The following MTRR variants were observed in gnomAD, a reference collection of about 807,000 sequenced individuals.
MTRR encodes 5-methyltetrahydrofolate-homocysteine methyltransferase reductase.
MTRR carries 63 observed loss-of-function variants against 79.2 expected under a neutral mutation model. The observed-to-expected ratio is 0.80, with a 90% CI of 0.65 to 0.98. The LOEUF (loss-of-function observed/expected upper bound fraction) is 0.98. Among genes scored for constraint, MTRR ranks in the 50% least tolerant of loss-of-function variants. The probability of loss-of-function intolerance (pLI) is 0.00; values close to 1 mark genes in which losing one functional copy is unlikely to be tolerated. For missense variants in MTRR, 895 were observed against 839.6 expected (o/e 1.07, Z -0.82); for synonymous variants, 355 against 313.3 (o/e 1.13, Z -1.41).
chr5:7,854,426 T>G (rs1746168281), intron 1 of MTRR, among the ~76,000 whole-genome samples: 2 of 152,116 alleles, frequency 1.3e-5, no homozygotes, highest in Non-Finnish European at 2.9e-5. Context: ...GTTCCCTGTA[T>G]TAGTTCGTTT....
intron 1 of MTRR, chr5:7,869,574 C>T: frequency 7.3e-6 from 2 of 273,644 alleles, no homozygotes; most frequent in Non-Finnish European, 1.4e-5. Context: ...TGGGGCGGCG[C>T]GCTCCGGGGA....
At chr5:7,884,357 C>A (rs925730982) in intron 6 of MTRR, among the ~76,000 whole-genome samples, 1 of 152,148 alleles carries the variant, frequency 6.6e-6, no homozygotes, top group Admixed American at 6.5e-5. Context: ...CCTCAAAGCT[C>A]AAGTCCCTTA....
chr5:7,890,098 T>C (rs140758981), intron 9 of MTRR, among the ~76,000 whole-genome samples: 76 of 152,306 alleles, frequency 5.0e-4, no homozygotes, highest in Admixed American at 2.4e-3. Context: ...TTTCCCATAG[T>C]GGTAAGTAGT....
Position 7,889,117 on chromosome 5 carries a change from A to G in MTRR, c.1169A>G (p.Asp390Gly), listed in dbSNP as rs1037417932. ...TAGGCATTTTTGCGAGCCCTTGTGG[A>G]CTATACCAGTGACAGTGCTGAAAAG... Reference protein sequence around the residue: ...PKKAFLRALVDYTSDSAEKRR... With the variant: ...PKKAFLRALVGYTSDSAEKRR... The change falls in exon 9 of 15, where the codon GAC becomes GGC. Residue 390 changes from aspartate (D) to glycine (G), a missense_variant. Coordinates refer to ENST00000440940, the MANE Select transcript of MTRR (RefSeq NM_002454.3). 6 of 1,613,942 alleles carry G rather than the reference A, an allele frequency of 3.7e-6. No individual in the cohort carries two copies. In the African/African-American group the frequency reaches 5.3e-5, roughly 14 times the overall value.
chr5:7,889,904 A>G (rs1286004236), intron 9 of MTRR, among the ~76,000 whole-genome samples: 1 of 151,772 alleles, frequency 6.6e-6, no homozygotes, highest in Non-Finnish European at 1.5e-5. Flanking sequence ...GCCCAGAGTG[A>G]CTCTTCTAGT....
intron 1 of MTRR, chr5:7,861,487 T>C: frequency 1.1e-6 from 1 of 877,226 alleles, no homozygotes; most frequent in African/African-American, 1.7e-5. Flanking sequence ...ATTTCCAGAA[T>C]CATATCTATT....
At chr5:7,851,994 GAA>G (rs1746091301) in intron 1 of MTRR, among the ~76,000 whole-genome samples, 1 of 152,220 alleles carries the variant, frequency 6.6e-6, no homozygotes, top group Non-Finnish European at 1.5e-5. Context: ...GCGATAATGA[GAA>G]GCCAGTTCTG....
upstream of MTRR, among the ~76,000 whole-genome samples, chr5:7,864,678 T>C (rs1579547926): frequency 1.3e-5 from 2 of 152,252 alleles, no homozygotes; most frequent in East Asian, 3.9e-4. Context: ...AACTTAAATA[T>C]ATGATATGAT....
intron 1 of MTRR, 154 bp downstream of exon 1, chr5:7,869,369 G>A: frequency 1.3e-6 from 1 of 795,090 alleles, no homozygotes; most frequent in South Asian, 1.7e-5. Context: ...GCGCGGGCTG[G>A]GGCTCGGACT....
At chr5:7,896,540 A>C (rs968978914) in intron 12 of MTRR, 4 of 387,470 alleles carry the variant, frequency 1.0e-5, no homozygotes, top group South Asian at 1.0e-4. Context: ...TTTCCATAGT[A>C]CAAGTTCATT....
rs1748318613 is a variant in MTRR at position 7,873,305 on chromosome 5, T to C, written c.130-68T>C. The C allele has an allele frequency of 3.1e-6, 5 of 1,588,256 alleles. No homozygotes were observed. The South Asian group carries it at 5.5e-5, about 18-fold the overall frequency. On this transcript the variant is annotated intron_variant, in intron 2 of 14. Transcript: ENST00000440940. ...CAAGACAGGAAACTAAGCTGATTGC[T>C]TTGCTGCTGAGTTAAATCAAAAATG...
rs775190154 is a variant in MTRR, at chr5:7,873,324, A to G, written c.130-49A>G. On this transcript the variant is annotated intron_variant, in intron 2 of 14. Transcript: ENST00000440940. Reference sequence around the variant, plus strand: ...GATTGCTTTGCTGCTGAGTTAAATCAAAAATGCATGTAGTGTTAGGTCCCT... The same window carrying G: ...GATTGCTTTGCTGCTGAGTTAAATCGAAAATGCATGTAGTGTTAGGTCCCT... 9 of 1,610,026 alleles carry G rather than the reference A, an allele frequency of 5.6e-6. No individual in the cohort carries two copies. In the Admixed American group the frequency reaches 1.5e-4, roughly 27 times the overall value.
At chr5:7,881,552 C>T (rs369093944) in intron 5 of MTRR, among the ~76,000 whole-genome samples, 1 of 151,960 alleles carries the variant, frequency 6.6e-6, no homozygotes, top group African/African-American at 2.4e-5. Flanking sequence ...ATTTTTAAGG[C>T]GTTCTGGGTA....
intron 14 of MTRR, among the ~76,000 whole-genome samples, chr5:7,899,142 A>G (rs1739050613): frequency 6.6e-6 from 1 of 152,082 alleles, no homozygotes; most frequent in Admixed American, 6.6e-5. Flanking sequence ...CGAGCATAAC[A>G]TCAAGCCATT....
rs1225399282 is a variant in MTRR, at chr5:7,885,722, C to A, written c.925C>A (p.Pro309Thr). ...CTAGAATACAGACTTTTCCTATCAG[C>A]CTGGAGATGCCTTCAGCGTGATCTG... ...DISNTDFSYQ[P>T]GDAFSVICPN... The change falls in exon 7 of 15, where the codon CCT becomes ACT. Residue 309 changes from proline to threonine, a missense_variant. Coordinates refer to ENST00000440940, the MANE Select transcript of MTRR (RefSeq NM_002454.3). 3 of 1,612,896 alleles carry A rather than the reference C, an allele frequency of 1.9e-6. No individual in the cohort carries two copies. Among genetic ancestry groups the A allele is most frequent in the East Asian group, 2.2e-5 (1 of 44,852 alleles).
Position 7,885,685 on chromosome 5 carries a change from T to TTTTTTTTCTC in MTRR, c.904-14_904-13insTTTTTCTCTT. On this transcript the variant is annotated splice_polypyrimidine_tract_variant and intron_variant, in intron 6 of 14. Coordinates refer to ENST00000440940, the MANE Select transcript of MTRR (RefSeq NM_002454.3). The stretch of plus-strand genomic sequence containing the variant: ...GTATAATGTATTTTTTTTTTTTCAT[T>TTTTTTTTCTC]TTGGCTCTTCTCTAGAATACAGACT... 6.2e-7 allele frequency: 1 copy of TTTTTTTTCTC among 1,606,154 alleles called. No individual in the cohort carries two copies. Among genetic ancestry groups the TTTTTTTTCTC allele is most frequent in the South Asian group, 1.1e-5 (1 of 90,868 alleles).
intron 1 of MTRR, among the ~76,000 whole-genome samples, chr5:7,860,662 G>A (rs1186717773): frequency 6.6e-6 from 1 of 152,214 alleles, no homozygotes; most frequent in Admixed American, 6.5e-5. Context: ...AGTTAGTACT[G>A]TAAAAGCAAA....
Position 7,898,597 on chromosome 5 carries a change from G to A in MTRR, c.1953-1317G>A, listed in dbSNP as rs566574531. 2.0e-4 allele frequency among the ~76,000 whole-genome samples: 30 copies of A among 152,306 alleles called. No individual in the cohort carries two copies. The South Asian group carries it at 2.9e-3, about 15-fold the overall frequency. On this transcript the variant is annotated intron_variant, in intron 14 of 14. Transcript: ENST00000440940. ...AGAAGCAAAATTGTCCCAAAGCCAA[G>A]AGGGTGCTGTTTCAGAGAGGGAGCC...
At chr5:7,866,836 C>T (rs1746991142), upstream of MTRR, 5 of 1,613,946 alleles carry the variant, frequency 3.1e-6, no homozygotes, top group South Asian at 4.4e-5. Context: ...AATTGAGTTT[C>T]CCAAATGGTT....
Sources: gnomAD v4.1 joint callset for allele counts (sites outside exome capture counted in the v4.1 genomes callset) on GRCh38, gnomAD v4.1.1 for gene constraint, MANE v1.5 for transcripts, NCBI Gene and HGNC (gene_info 2026-07-23, HGNC 2026-07-21) for gene names.